The following NSF variants were observed in gnomAD, a reference collection of about 807,000 sequenced individuals.
NSF encodes vesicle-fusing ATPase.
A neutral mutation model predicts 50.3 loss-of-function variants in NSF; 14 were observed. The observed-to-expected ratio is 0.28, with a 90% confidence interval of 0.18 to 0.44. NSF has a LOEUF of 0.44. Ranked by LOEUF, NSF falls within the 20% of genes least tolerant of loss-of-function variation. NSF has a pLI of 1.00. For synonymous variants in NSF, 109 were observed against 175.7 expected (o/e 0.62, Z 3.00); for missense variants, 218 against 504.3 (o/e 0.43, Z 5.44).
chr17:46,729,825 A>C (rs2058931264), intron 17 of NSF, among the ~76,000 whole-genome samples: 1 of 152,204 alleles, frequency 6.6e-6, no homozygotes, highest in African/African-American at 2.4e-5. Context: ...TTTTGCACTT[A>C]AAAGTAAATG....
intron 9 of NSF, among the ~76,000 whole-genome samples, chr17:46,675,628 C>T (rs2058396783): frequency 7.4e-6 from 1 of 135,432 alleles, no homozygotes; most frequent in Non-Finnish European, 1.5e-5. Flanking sequence ...AGAGATTTAT[C>T]ATAAGGAAAA....
At chr17:46,732,875 C>T (rs1422636522) in intron 17 of NSF, among the ~76,000 whole-genome samples, 1 of 152,212 alleles carries the variant, frequency 6.6e-6, no homozygotes, top group African/African-American at 2.4e-5. Context: ...GAGAACTCAG[C>T]AGCAGCAGCT....
In NSF at chr17:46,730,142, A is replaced by G. The variant is rs111354359; in HGVS notation, c.1908+1208A>G. 7.9e-3 allele frequency among the ~76,000 whole-genome samples: 1,196 copies of G among 152,252 alleles called. 17 individuals are homozygous for G. The highest frequency in any genetic ancestry group is 0.027 in the African/African-American group (1,113 of 41,548). On this transcript the variant is annotated intron_variant, in intron 17 of 20. Transcript: ENST00000398238. ...ATATCATGATTCCTCCAATGTTTTC[A>G]TAAATAAGTAAACGTATATATCTAA...
chr17:46,737,519 G>A (rs547113073), intron 17 of NSF, among the ~76,000 whole-genome samples: 18 of 152,038 alleles, frequency 1.2e-4, no homozygotes, highest in Middle Eastern at 3.4e-3. Flanking sequence ...AAGGGTGGCT[G>A]CACTCACCCA....
chr17:46,718,067 C>T (rs989085034), intron 15 of NSF, among the ~76,000 whole-genome samples: 21 of 152,182 alleles, frequency 1.4e-4, no homozygotes, highest in Admixed American at 1.4e-3. Flanking sequence ...ACCAGTAATG[C>T]CCCACAGACC....
chr17:46,714,598 A>G (rs1001360864), intron 15 of NSF, among the ~76,000 whole-genome samples: 2 of 152,166 alleles, frequency 1.3e-5, no homozygotes, highest in Non-Finnish European at 2.9e-5. Flanking sequence ...CTGTAAGACC[A>G]TTTGGTCCAT....
intron 18 of NSF, among the ~76,000 whole-genome samples, chr17:46,750,356 C>CA (rs1453574540): frequency 6.6e-6 from 1 of 152,004 alleles, no homozygotes; most frequent in Non-Finnish European, 1.5e-5. Context: ...CTAACAACAA[C>CA]AAAAAATGCC....
At position 46,675,637 on chromosome 17, in the gene NSF, AACACAC is replaced by A. The variant is rs370144995; in HGVS notation, c.945+1045_945+1050del. 2.0e-3 allele frequency among the ~76,000 whole-genome samples: 260 copies of A among 127,408 alleles called. 1 individual carries two copies. Among genetic ancestry groups the A allele is most frequent in the Non-Finnish European group, 2.7e-3 (163 of 61,362 alleles). The allele number at this position is 127,408 out of a possible 152,430, so 83.6% of individuals were successfully genotyped here. ...ATTCATAGAGATTTATCATAAGGAA[AACACAC>A]ACACACACACACACACACACGAACA... On this transcript the variant is annotated intron_variant, in intron 9 of 20. Coordinates refer to ENST00000398238, the MANE Select transcript of NSF (RefSeq NM_006178.4).
chr17:46,718,525 A>G (rs1021749770), intron 15 of NSF, among the ~76,000 whole-genome samples: 2 of 152,236 alleles, frequency 1.3e-5, no homozygotes, highest in Admixed American at 1.3e-4. Flanking sequence ...AGCCATAACT[A>G]AAAATTTAAA....
chr17:46,737,384 C>T (rs889889813), intron 17 of NSF, among the ~76,000 whole-genome samples: 9 of 152,156 alleles, frequency 5.9e-5, no homozygotes, highest in African/African-American at 2.2e-4. Flanking sequence ...AATTTTTTAG[C>T]ATCAGCATAT....
At chr17:46,731,324 G>A (rs2058946786) in intron 17 of NSF, among the ~76,000 whole-genome samples, 2 of 152,114 alleles carry the variant, frequency 1.3e-5, no homozygotes, top group South Asian at 4.2e-4. Context: ...GATGGCCTAG[G>A]GCTGGGAGGG....
chr17:46,625,685 A>G (rs2058091714), intron 2 of NSF, among the ~76,000 whole-genome samples: 1 of 74,446 alleles, frequency 1.3e-5, no homozygotes, highest in South Asian at 4.7e-4. Context: ...AGTGGCAAAA[A>G]AAATACGTAT....
chr17:46,751,553 C>T lies in NSF; in HGVS notation c.2094C>T (p.Val698=). ...DKERTTIAQQ[V]KGKKVWIGIK... is the part of the protein sequence containing the mutation. ...AACGCACCACAATTGCACAGCAAGTCAAAGGGAAGAAGGTCTGGATAGGAA... is the reference window on the plus strand; with the variant it reads ...AACGCACCACAATTGCACAGCAAGTTAAAGGGAAGAAGGTCTGGATAGGAA... Residue 698 remains valine (V), a synonymous_variant, in exon 19 of 21, where the codon GTC becomes GTT. Transcript: ENST00000398238. 4 of 1,614,002 alleles carry T rather than the reference C, an allele frequency of 2.5e-6. No individual in the cohort carries two copies. The highest frequency in any genetic ancestry group is 3.4e-6 in the Non-Finnish European group (4 of 1,179,966).
chr17:46,599,966 A>AT (rs1205837888), intron 1 of NSF, among the ~76,000 whole-genome samples: 3 of 102,492 alleles, frequency 2.9e-5, no homozygotes, highest in East Asian at 2.8e-4. Context: ...TTATTTAAAA[A>AT]TTTTTTTTAG....
intron 15 of NSF, among the ~76,000 whole-genome samples, chr17:46,720,880 C>T (rs1257786202): frequency 6.6e-6 from 1 of 152,176 alleles, no homozygotes. Flanking sequence ...TGAGAGCATG[C>T]TTGTTGTGGC....
At chr17:46,717,884 G>A (rs1181867861) in intron 15 of NSF, among the ~76,000 whole-genome samples, 2 of 152,144 alleles carry the variant, frequency 1.3e-5, no homozygotes, top group African/African-American at 2.4e-5. Flanking sequence ...CTGGAGCAGC[G>A]TTCAGACCAA....
intron 17 of NSF, among the ~76,000 whole-genome samples, chr17:46,743,593 C>T (rs1413874099): frequency 6.6e-6 from 1 of 152,234 alleles, no homozygotes; most frequent in African/African-American, 2.4e-5. Flanking sequence ...GGGGACTTGC[C>T]TCACCATTGC....
At chr17:46,707,390 T>C (rs2058667418) in intron 13 of NSF, among the ~76,000 whole-genome samples, 1 of 152,242 alleles carries the variant, frequency 6.6e-6, no homozygotes, top group South Asian at 2.1e-4. Context: ...AAAATACATA[T>C]AAAGTTTACC....
intron 17 of NSF, among the ~76,000 whole-genome samples, chr17:46,742,875 G>A (rs1040362951): frequency 2.0e-5 from 3 of 152,224 alleles, no homozygotes; most frequent in African/African-American, 7.2e-5. Flanking sequence ...AAGGGTCTCT[G>A]TTGAATAATA....
Sources: allele counts gnomAD v4.1 joint callset (sites outside exome capture counted in the v4.1 genomes callset), GRCh38; gene constraint gnomAD v4.1.1; transcripts MANE v1.5; gene names NCBI Gene and HGNC (gene_info 2026-07-23, HGNC 2026-07-21).